PLXND1: variants seen among roughly 807,000 people sequenced by gnomAD.
The protein encoded by PLXND1 is plexin D1, also known as plexin-D1.
A neutral mutation model predicts 197.7 loss-of-function variants in PLXND1; 54 were observed. The observed-to-expected ratio is 0.27, with a 90% CI of 0.22 to 0.34. The LOEUF (loss-of-function observed/expected upper bound fraction) is 0.34, where lower values mean the gene tolerates loss of function less well. PLXND1 is among the 10% of genes least tolerant of loss of function. The pLI is 1.00. For synonymous variants in PLXND1, 1,180 were observed against 1,161.2 expected (o/e 1.02, Z -0.33); for missense variants, 2,127 against 2,699.2 (o/e 0.79, Z 4.70).
chr3:129,582,990 C>A (rs907905049), intron 8 of PLXND1, among the ~76,000 whole-genome samples: 3 of 152,184 alleles, frequency 2.0e-5, no homozygotes, highest in Admixed American at 2.0e-4. Context: ...GCAGCACCAC[C>A]CACCCTTGGG....
rs760872411 is a variant in PLXND1 at position 129,567,572 on chromosome 3, G to T, written c.4006C>A (p.Leu1336Ile). 6.2e-7 allele frequency: 1 copy of T among 1,611,840 alleles called. No homozygotes were observed. Reference sequence around the variant, plus strand: ...TGGCTGCGGTTCAGCTCCTTGGTGAGATCTGTCATGTCTGTCTGCAGCTCA... The same window carrying T: ...TGGCTGCGGTTCAGCTCCTTGGTGATATCTGTCATGTCTGTCTGCAGCTCA... Reference protein sequence around the residue: ...FAELQTDMTDLTKELNRSQGI... With the variant: ...FAELQTDMTDITKELNRSQGI... The change falls in exon 22 of 36, where the codon CTC (leucine) becomes ATC (isoleucine). Residue 1336 changes from leucine to isoleucine, a missense_variant. This residue lies in a region of PLXND1 where 532 missense variants were observed against 811.0 expected (regional missense o/e 0.66). Coordinates refer to ENST00000324093, the MANE Select transcript of PLXND1 (RefSeq NM_015103.3).
Position 129,558,772 on chromosome 3 carries a change from T to G in PLXND1, c.5298-197A>C. ...CAGTGGGGCTGAGAGCCCGGTTTCCTGCTGGAGCAAGGCAGGAGCTACAGG... is the reference window on the plus strand; with the variant it reads ...CAGTGGGGCTGAGAGCCCGGTTTCCGGCTGGAGCAAGGCAGGAGCTACAGG... On this transcript the variant is annotated intron_variant, in intron 32 of 35. Coordinates refer to ENST00000324093, the MANE Select transcript of PLXND1 (RefSeq NM_015103.3). This position sits in a 1 kb window ranked among gnomAD's most constrained non-coding sequence, Gnocchi z 4.1. 1 of 577,172 alleles carries G rather than the reference T, an allele frequency of 1.7e-6. No individual in the cohort carries two copies. Among genetic ancestry groups the G allele is most frequent in the African/African-American group, 1.9e-5 (1 of 53,414 alleles). 35.8% of individuals were successfully genotyped at this position (577,172 alleles called of 1,614,324 possible).
At chr3:129,584,686 G>A (rs1400798432) in intron 5 of PLXND1, 124 bp from the exon 6 acceptor site, 2 of 886,442 alleles carry the variant, frequency 2.3e-6, no homozygotes, top group East Asian at 5.2e-5. Flanking sequence ...GGGTAGTGGT[G>A]GCCAGGACTC....
rs145212327 is a variant in PLXND1, at chr3:129,595,673, G to A, written c.1312-6146C>T. On this transcript the variant is annotated intron_variant, in intron 1 of 35. Transcript: ENST00000324093. ...TCCCTGACCCCTCTGGAAGAGGCGG[G>A]TCACCCAGCTCCAGGGCTTTGAGGT... Among the ~76,000 whole-genome samples the A allele has an allele frequency of 1.1e-4, 16 of 152,290 alleles. No individual in the cohort carries two copies. In the East Asian group the frequency reaches 3.1e-3, roughly 29 times the overall value.
intron 6 of PLXND1, 58 bp downstream of exon 6, chr3:129,584,327 G>A (rs1404945734): frequency 7.5e-6 from 12 of 1,600,084 alleles, no homozygotes; most frequent in Admixed American, 5.0e-5. Flanking sequence ...CCATCCCCAT[G>A]CCTGACAGTC....
chr3:129,575,984 G>A, intron 9 of PLXND1, 129 bp from the exon 10 acceptor site: 1 of 671,204 alleles, frequency 1.5e-6, no homozygotes. Flanking sequence ...TCAGGCCTTT[G>A]CATGGGCTGT....
intron 19 of PLXND1, 26 bp downstream of exon 19, chr3:129,570,760 C>T (rs768182975): frequency 6.2e-7 from 1 of 1,612,358 alleles, no homozygotes; most frequent in Non-Finnish European, 8.5e-7. Flanking sequence ...CCAGGTCTGC[C>T]CTGCTCCGGC....
chr3:129,589,669 C>T, intron 1 of PLXND1, 142 bp from the exon 2 acceptor site: 4 of 718,542 alleles, frequency 5.6e-6, no homozygotes, highest in Non-Finnish European at 9.0e-6. Flanking sequence ...TCAGCTGAGG[C>T]CCAAACACAA....
At chr3:129,586,356 A>G in intron 3 of PLXND1, 84 bp from the exon 4 acceptor site, 1 of 1,174,910 alleles carries the variant, frequency 8.5e-7, no homozygotes, top group African/African-American at 1.5e-5. Flanking sequence ...GGTGCGGGCC[A>G]TGAGAGGCTG....
Position 129,558,647 on chromosome 3 carries a change from A to G in PLXND1, c.5298-72T>C. ...AGCAGTCGAGGGACAGTTGTGGAGGAGAGAGCTGGCTTTGTCCCTCAAGGG... is the reference window on the plus strand; with the variant it reads ...AGCAGTCGAGGGACAGTTGTGGAGGGGAGAGCTGGCTTTGTCCCTCAAGGG... On this transcript the variant is annotated intron_variant, in intron 32 of 35. Coordinates refer to ENST00000324093, the MANE Select transcript of PLXND1 (RefSeq NM_015103.3). The surrounding 1 kb of genome is among the most constrained non-coding windows in gnomAD (Gnocchi z 4.1). The G allele has an allele frequency of 6.8e-7, 1 of 1,470,118 alleles. No individual in the cohort carries two copies. The highest frequency in any genetic ancestry group is 9.4e-7 in the Non-Finnish European group (1 of 1,064,700). The allele number at this position is 1,470,118 out of a possible 1,614,324, so 91.1% of individuals were successfully genotyped here.
chr3:129,569,350 CTA>C (rs2108772875), intron 20 of PLXND1: 2 of 156,990 alleles, frequency 1.3e-5, no homozygotes, highest in South Asian at 3.8e-4. Flanking sequence ...TAGGGTAATT[CTA>C]TGTTTCACAT....
rs138058815 is a variant in PLXND1 at position 129,572,632 on chromosome 3, G to A, written c.3054C>T (p.Asp1018=). The change falls in exon 15 of 36, where the codon GAC becomes GAT. Residue 1018 remains aspartate, a synonymous_variant. Transcript: ENST00000324093. ...ACATCAGCTCCGTGCAGGGGTCTGT[G>A]TCGTTCACCAGGACCTGGAGCTCGG... is the stretch of plus-strand genomic sequence containing the variant. ...VGSELQVLVN[D]TDPCTELMRT... 3 of 1,588,056 alleles carry A rather than the reference G, an allele frequency of 1.9e-6. No homozygotes were observed. Among genetic ancestry groups the A allele is most frequent in the Non-Finnish European group, 2.6e-6 (3 of 1,167,298 alleles).
chr3:129,560,622 G>A (rs2085043453), intron 30 of PLXND1, 67 bp downstream of exon 30: 5 of 1,247,018 alleles, frequency 4.0e-6, no homozygotes, highest in Non-Finnish European at 5.9e-6. Context: ...GAGGCCCAGG[G>A]CCACAGAAAG....
At chr3:129,580,059 A>G (rs999309545) in intron 8 of PLXND1, among the ~76,000 whole-genome samples, 2 of 152,168 alleles carry the variant, frequency 1.3e-5, no homozygotes, top group Admixed American at 1.3e-4. Flanking sequence ...CCTAGGAGGT[A>G]GATACTATCA....
At chr3:129,590,581 C>A (rs1333419642) in intron 1 of PLXND1, among the ~76,000 whole-genome samples, 3 of 152,326 alleles carry the variant, frequency 2.0e-5, no homozygotes, top group Middle Eastern at 3.4e-3. Flanking sequence ...TAAGCCCACA[C>A]TGATTACAAG....
Position 129,555,601 on chromosome 3 carries a change from C to CA in PLXND1, c.*710dup. Reference sequence around the variant, plus strand: ...ACACTTTCAGCAAGATCAAGTAGCCCAGCTACAGCCTCGGTGCATCTTAAC... The same window carrying CA: ...ACACTTTCAGCAAGATCAAGTAGCCCAAGCTACAGCCTCGGTGCATCTTAAC... On this transcript the variant is annotated 3_prime_UTR_variant, in exon 36 of 36. Coordinates refer to ENST00000324093, the MANE Select transcript of PLXND1 (RefSeq NM_015103.3). 1 of 631,518 alleles carries CA rather than the reference C, an allele frequency of 1.6e-6. No individual in the cohort carries two copies. The highest frequency in any genetic ancestry group is 2.8e-6 in the Non-Finnish European group (1 of 357,496). The allele number at this position is 631,518 out of a possible 1,614,324, so 39.1% of individuals were successfully genotyped here.
intron 1 of PLXND1, among the ~76,000 whole-genome samples, chr3:129,596,895 T>A (rs1197168865): frequency 1.3e-5 from 2 of 152,060 alleles, no homozygotes; most frequent in Non-Finnish European, 2.9e-5. Flanking sequence ...CCGGGCTGGA[T>A]TCCATGAGCT....
chr3:129,586,779 G>C (rs569373920), intron 2 of PLXND1, 60 bp from the exon 3 acceptor site: 12 of 1,564,896 alleles, frequency 7.7e-6, no homozygotes, highest in Non-Finnish European at 6.1e-6. Flanking sequence ...CAAACCCAGG[G>C]GACAACCTGA....
chr3:129,571,330 G>A (rs369414877), intron 17 of PLXND1, 27 bp from the exon 18 acceptor site: 2 of 1,602,506 alleles, frequency 1.2e-6, no homozygotes, highest in African/African-American at 1.3e-5. Context: ...AGGGGCCCAG[G>A]CCGGGATGCA....
Sources: allele counts gnomAD v4.1 joint callset (sites outside exome capture counted in the v4.1 genomes callset), GRCh38; gene constraint gnomAD v4.1.1; regional missense constraint gnomAD v4.1.1; non-coding constraint Gnocchi (gnomAD v3.1); transcripts MANE v1.5; gene names NCBI Gene and HGNC (gene_info 2026-07-23, HGNC 2026-07-21).